XPO5: variants seen among roughly 807,000 people sequenced by gnomAD.
XPO5 encodes exportin-5.
Under a neutral mutation model 160.6 loss-of-function variants are expected in XPO5, and 46 were observed. The ratio of observed to expected loss-of-function variants is 0.29; its 90% confidence interval spans 0.23 to 0.37. The LOEUF is 0.37. Among genes scored for constraint, XPO5 ranks in the 10% least tolerant of loss-of-function variants. The pLI is 1.00. For synonymous variants in XPO5, 537 were observed against 519.3 expected (o/e 1.03, Z -0.46); for missense variants, 1,090 against 1,463.9 (o/e 0.74, Z 4.17).
At chr6:43,529,063 A>T (rs575564678) in intron 23 of XPO5, 138 bp from the exon 24 acceptor site, 1 of 1,108,124 alleles carries the variant, frequency 9.0e-7, no homozygotes, top group Non-Finnish European at 1.3e-6. Flanking sequence ...ACAGTGAAAA[A>T]ATCTTAAAGT....
chr6:43,568,800 C>A (rs1278327538), intron 5 of XPO5, 63 bp from the exon 6 acceptor site: 3 of 1,399,296 alleles, frequency 2.1e-6, no homozygotes, highest in Non-Finnish European at 2.9e-6. Flanking sequence ...TAACTTTCTA[C>A]CCCCCACAAA....
At position 43,539,518 on chromosome 6, in the gene XPO5, G is replaced by A. The variant is rs113684125; in HGVS notation, c.2343-5511C>T. On this transcript the variant is annotated intron_variant, in intron 20 of 31. Coordinates refer to ENST00000265351, the MANE Select transcript of XPO5 (RefSeq NM_020750.3). Reference sequence around the variant, plus strand: ...TGACCAAGCGGCCCAGCTTGGTGACGGGCATCCACTCCTTATCTTTGGCCT... The same window carrying A: ...TGACCAAGCGGCCCAGCTTGGTGACAGGCATCCACTCCTTATCTTTGGCCT... 1,800 of 1,536,094 alleles carry A rather than the reference G, an allele frequency of 1.2e-3. 14 individuals are homozygous for A. In the African/African-American group the frequency reaches 0.016, roughly 14 times the overall value.
chr6:43,572,844 C>G (rs1042662923), intron 2 of XPO5, among the ~76,000 whole-genome samples: 1 of 152,192 alleles, frequency 6.6e-6, no homozygotes, highest in African/African-American at 2.4e-5. Context: ...AGCTTTGCCT[C>G]ATGATTTTAT....
intron 23 of XPO5, among the ~76,000 whole-genome samples, chr6:43,529,886 TG>T (rs1793850577): frequency 7.4e-6 from 1 of 135,946 alleles, no homozygotes; most frequent in African/African-American, 2.9e-5. Flanking sequence ...CATTCCTGCC[TG>T]GGTAACACTG....
rs1794529951 is a variant in XPO5, at chr6:43,539,106, T to G, written c.2343-5099A>C. The G allele has an allele frequency of 8.6e-6, 11 of 1,280,346 alleles. No individual in the cohort carries two copies. The South Asian group carries it at 9.7e-5, about 11-fold the overall frequency. The allele number at this position is 1,280,346 out of a possible 1,614,324, so 79.3% of individuals were successfully genotyped here. A position where few individuals can be genotyped will look rare whatever the true frequency, so the allele number is the denominator to read the frequency against. On this transcript the variant is annotated intron_variant, in intron 20 of 31. Transcript: ENST00000265351. ...GGTGCGGAGACAATGCCAGTGCCCC[T>G]GGGTGCAGGGATGAGGCGCACCAGC...
rs1023722569 is a variant in XPO5, at chr6:43,553,223, G to C, written c.1572+150C>G. ...AGCCTGAGGTAGGAGGATTGCTTGA[G>C]CCCAGGAGTTGGAGGTTACAGAGAG... On this transcript the variant is annotated intron_variant, in intron 14 of 31. Transcript: ENST00000265351. 33 of 981,240 alleles carry C rather than the reference G, an allele frequency of 3.4e-5. No individual in the cohort carries two copies. The African/African-American group carries it at 4.3e-4, about 13-fold the overall frequency. The allele number at this position is 981,240 out of a possible 1,614,324, so 60.8% of individuals were successfully genotyped here. A position where few individuals can be genotyped will look rare whatever the true frequency, so the allele number is the denominator to read the frequency against.
At chr6:43,526,785 G>C in intron 26 of XPO5, 38 bp from the exon 27 acceptor site, 6 of 1,603,326 alleles carry the variant, frequency 3.7e-6, no homozygotes, top group Non-Finnish European at 5.1e-6. Flanking sequence ...TGAAGGGTGG[G>C]TATATACTAC....
chr6:43,530,552 G>T, intron 23 of XPO5, 136 bp downstream of exon 23: 1 of 1,035,164 alleles, frequency 9.7e-7, no homozygotes, highest in Non-Finnish European at 1.3e-6. Flanking sequence ...TGTTTTTAAT[G>T]ACATGATACA....
In XPO5 at chr6:43,572,541, A is replaced by C. The variant is rs1221857785; in HGVS notation, c.265T>G (p.Tyr89Asp). 6.2e-7 allele frequency: 1 copy of C among 1,613,984 alleles called. No individual in the cohort carries two copies. The highest frequency in any genetic ancestry group is 8.5e-7 in the Non-Finnish European group (1 of 1,179,892). The change falls in exon 3 of 32, where the codon TAT becomes GAT. Residue 89 changes from tyrosine (Y) to aspartate (D), a missense_variant. Physicochemically the swap from Tyr to Asp is radical, Grantham distance 160 (BLOSUM62 -3). Transcript: ENST00000265351. Reference protein sequence around the residue: ...WNGMSRLEKVYLKNSVMELIA... With the variant: ...WNGMSRLEKVDLKNSVMELIA... Reference sequence around the variant, plus strand: ...AGCTCCATGACACTGTTCTTCAGATACACCTTCTCCAATCGAGACATGCCG... The same window carrying C: ...AGCTCCATGACACTGTTCTTCAGATCCACCTTCTCCAATCGAGACATGCCG...
chr6:43,552,091 A>C (rs989239554), intron 14 of XPO5, among the ~76,000 whole-genome samples: 1 of 152,108 alleles, frequency 6.6e-6, no homozygotes, highest in East Asian at 1.9e-4. Flanking sequence ...TTATTTATAT[A>C]TCACTCTTGG....
chr6:43,552,387 C>A (rs1225385446), intron 14 of XPO5, among the ~76,000 whole-genome samples: 3 of 151,960 alleles, frequency 2.0e-5, no homozygotes, highest in Non-Finnish European at 4.4e-5. Flanking sequence ...GAATCCCACT[C>A]TGTCACACAG....
intron 20 of XPO5, among the ~76,000 whole-genome samples, chr6:43,536,217 C>T (rs1794313033): frequency 1.3e-5 from 2 of 151,754 alleles, no homozygotes. Context: ...GAGTTTGAGA[C>T]CAGCCTGGCC....
rs1455366535 is a variant in XPO5, at chr6:43,523,952, T to C, written c.3531A>G (p.Ser1177=). The change falls in exon 32 of 32, where the codon TCA becomes TCG. Residue 1177 remains serine, a synonymous_variant. Coordinates refer to ENST00000265351, the MANE Select transcript of XPO5 (RefSeq NM_020750.3). Reference sequence around the variant, plus strand: ...GCATTGGCTTTGTTTTTTTGAAAAGTGAGGGAAGATTCTTAATGTGAACTT... The same window carrying C: ...GCATTGGCTTTGTTTTTTTGAAAAGCGAGGGAAGATTCTTAATGTGAACTT... The part of the protein sequence containing the change: ...RKEVHIKNLP[S]LFKKTKPMLE... 11 of 1,613,856 alleles carry C rather than the reference T, an allele frequency of 6.8e-6. No individual in the cohort carries two copies. Among genetic ancestry groups the C allele is most frequent in the Admixed American group, 3.3e-5 (2 of 60,004 alleles).
chr6:43,573,831 T>C (rs1018603542), intron 1 of XPO5, among the ~76,000 whole-genome samples: 4 of 142,268 alleles, frequency 2.8e-5, no homozygotes, highest in Non-Finnish European at 6.1e-5. Context: ...ATATTTTTTT[T>C]TTTTTTTTTT....
At chr6:43,546,773 CA>C in intron 19 of XPO5, 21 bp from the exon 20 acceptor site, 1 of 1,473,974 alleles carries the variant, frequency 6.8e-7, no homozygotes, top group Non-Finnish European at 9.0e-7. Flanking sequence ...ATAAGAATGA[CA>C]GATAAATATT....
chr6:43,572,402 G>T, intron 3 of XPO5, 104 bp downstream of exon 3: 1 of 1,102,296 alleles, frequency 9.1e-7, no homozygotes, highest in Non-Finnish European at 1.4e-6. Context: ...TGTGCTGTCT[G>T]ACCTATTTAG....
intron 20 of XPO5, among the ~76,000 whole-genome samples, chr6:43,540,495 T>TAA (rs1377719063): frequency 6.7e-6 from 1 of 150,100 alleles, no homozygotes; most frequent in Non-Finnish European, 1.5e-5. Context: ...AATAAATAAA[T>TAA]AAACAAAATT....
At position 43,539,152 on chromosome 6, in the gene XPO5, C is replaced by T. The variant is rs1467204555; in HGVS notation, c.2343-5145G>A. The T allele has an allele frequency of 4.4e-6, 5 of 1,131,002 alleles. No homozygotes were observed. The African/African-American group carries it at 4.6e-5, about 10-fold the overall frequency. The allele number at this position is 1,131,002 out of a possible 1,614,324, so 70.1% of individuals were successfully genotyped here. A position where few individuals can be genotyped will look rare whatever the true frequency, so the allele number is the denominator to read the frequency against. On this transcript the variant is annotated intron_variant, in intron 20 of 31. Coordinates refer to ENST00000265351, the MANE Select transcript of XPO5 (RefSeq NM_020750.3). Reference sequence around the variant, plus strand: ...CCAGCACAGAGCCACGGCGGCCTGTCACCTTGCAGGGGACGGTGTGGGGCT... The same window carrying T: ...CCAGCACAGAGCCACGGCGGCCTGTTACCTTGCAGGGGACGGTGTGGGGCT...
At chr6:43,563,894 T>TATA (rs1218631120) in intron 8 of XPO5, among the ~76,000 whole-genome samples, 7 of 152,286 alleles carry the variant, frequency 4.6e-5, no homozygotes, top group African/African-American at 1.7e-4. Context: ...CTGTAGACTT[T>TATA]ATAAATTCTG....
Sources: gnomAD v4.1 joint callset for allele counts (sites outside exome capture counted in the v4.1 genomes callset) on GRCh38, gnomAD v4.1.1 for gene constraint, MANE v1.5 for transcripts, NCBI Gene and HGNC (gene_info 2026-07-23, HGNC 2026-07-21) for gene names.